NCK2: variants seen among roughly 807,000 people sequenced by gnomAD.
NCK2 encodes NCK adaptor protein 2, also known as cytoplasmic protein NCK2.
NCK2 carries 16 observed loss-of-function variants against 33.9 expected under a neutral mutation model. The observed-to-expected ratio is 0.47, with a 90% confidence interval of 0.32 to 0.72. The LOEUF (loss-of-function observed/expected upper bound fraction) is 0.72, where lower values mean the gene tolerates loss of function less well. Ranked by LOEUF, NCK2 falls within the 30% of genes least tolerant of loss-of-function variation. NCK2 has a pLI of 0.03. For synonymous variants in NCK2, 273 were observed against 239.9 expected, an observed-to-expected ratio of 1.14 and a Z score of -1.27; for missense variants, 418 against 537.3, an observed-to-expected ratio of 0.78 and a Z score of 2.19.
At chr2:105,883,714 A>T (rs535534424) in intron 4 of NCK2, among the ~76,000 whole-genome samples, 1 of 152,314 alleles carries the variant, frequency 6.6e-6, no homozygotes, top group Non-Finnish European at 1.5e-5. Context: ...TTCATCTCAG[A>T]ACTCTGCACC....
chr2:105,813,792 C>G (rs1407115765), intron 1 of NCK2, among the ~76,000 whole-genome samples: 1 of 152,220 alleles, frequency 6.6e-6, no homozygotes, highest in East Asian at 1.9e-4. Flanking sequence ...TTCAGATAAT[C>G]CCTTGGATTT....
intron 1 of NCK2, among the ~76,000 whole-genome samples, chr2:105,788,172 AGATAAGTTTT>A (rs1169177494): frequency 2.0e-5 from 3 of 152,204 alleles, no homozygotes. Context: ...GGCCAATTCT[AGATAAGTTTT>A]TTCATCAGCT....
intron 1 of NCK2, among the ~76,000 whole-genome samples, chr2:105,746,242 G>A (rs1446502310): frequency 6.6e-6 from 1 of 152,238 alleles, no homozygotes; most frequent in Non-Finnish European, 1.5e-5. Context: ...AGTGTGGGCA[G>A]GAGGGGGCCT....
At chr2:105,748,481 TTCAGGCAATCTTCCCACC>T (rs988316359) in intron 1 of NCK2, among the ~76,000 whole-genome samples, 18 of 152,062 alleles carry the variant, frequency 1.2e-4, no homozygotes, top group South Asian at 8.3e-4. Context: ...AGCTTCTGGG[TTCAGGCAATCTTCCCACC>T]TCAGGCAATC....
intron 3 of NCK2, among the ~76,000 whole-genome samples, chr2:105,873,977 C>T (rs889734459): frequency 4.6e-5 from 7 of 152,196 alleles, no homozygotes; most frequent in African/African-American, 1.4e-4. Context: ...TGGGCCTTCC[C>T]CCATGGCCAG....
intron 4 of NCK2, among the ~76,000 whole-genome samples, chr2:105,890,644 A>G (rs1678932344): frequency 6.6e-6 from 1 of 152,218 alleles, no homozygotes; most frequent in Non-Finnish European, 1.5e-5. Flanking sequence ...AGAGGCATGC[A>G]TAAATACAAA....
chr2:105,762,317 C>T (rs867468643), intron 1 of NCK2, among the ~76,000 whole-genome samples: 15 of 152,258 alleles, frequency 9.9e-5, no homozygotes, highest in Middle Eastern at 6.8e-3. Flanking sequence ...GGTCCAGGCC[C>T]GGGCGCTTCC....
chr2:105,824,388 C>T (rs1482677087), intron 2 of NCK2, among the ~76,000 whole-genome samples: 5 of 152,066 alleles, frequency 3.3e-5, no homozygotes, highest in Non-Finnish European at 1.5e-5. Context: ...ATGATCTTAC[C>T]CAGAGGTTAT....
At position 105,889,669 on chromosome 2, in the gene NCK2, GA is replaced by G. The variant is rs950844020; in HGVS notation, c.949-3312del. Among the ~76,000 whole-genome samples, 4 of 148,818 alleles carry G rather than the reference GA, an allele frequency of 2.7e-5. No homozygotes were observed. The Admixed American group carries it at 2.7e-4, about 10-fold the overall frequency. The stretch of plus-strand genomic sequence containing the variant: ...CCCTGTCATACCTCACTGTTGCCTT[GA>G]CCTCCCGGGCTCAAGTGATCCTCCC... On this transcript the variant is annotated intron_variant, in intron 4 of 4. Transcript: ENST00000233154.
chr2:105,779,624 G>A (rs1376212252), intron 1 of NCK2, among the ~76,000 whole-genome samples: 1 of 152,154 alleles, frequency 6.6e-6, no homozygotes, highest in Non-Finnish European at 1.5e-5. Context: ...GTGGGCAGAT[G>A]GAAAGGAGAG....
intron 3 of NCK2, among the ~76,000 whole-genome samples, chr2:105,862,456 G>A (rs1243621736): frequency 6.6e-6 from 1 of 152,202 alleles, no homozygotes; most frequent in Non-Finnish European, 1.5e-5. Context: ...GAACACAGCA[G>A]TCACAGGTAC....
intron 1 of NCK2, among the ~76,000 whole-genome samples, chr2:105,798,498 G>A (rs1341253548): frequency 6.6e-6 from 1 of 152,182 alleles, no homozygotes; most frequent in African/African-American, 2.4e-5. Context: ...TTGGGGTCTG[G>A]TTTAGAGAGA....
chr2:105,854,709 C>A (rs1047121900), intron 2 of NCK2: 3 of 213,944 alleles, frequency 1.4e-5, no homozygotes, highest in Admixed American at 5.2e-5. Context: ...GAGTGTCAAC[C>A]TAACAGTTAT....
In NCK2 at chr2:105,837,846, A is replaced by G. The variant is rs552835417; in HGVS notation, c.-16-17202A>G. ...TTATGAATGAACTTGAGTTATTTTT[A>G]TGTTTATTCACCATTTGTGCTACCT... On this transcript the variant is annotated intron_variant, in intron 2 of 4. Coordinates refer to ENST00000233154, the MANE Select transcript of NCK2 (RefSeq NM_003581.5). Among the ~76,000 whole-genome samples the G allele has an allele frequency of 1.3e-4, 20 of 152,228 alleles. 1 individual carries two copies. The South Asian group carries it at 3.1e-3, about 24-fold the overall frequency.
chr2:105,786,771 C>T (rs778932258), intron 1 of NCK2, among the ~76,000 whole-genome samples: 6 of 152,186 alleles, frequency 3.9e-5, no homozygotes, highest in Non-Finnish European at 7.4e-5. Flanking sequence ...CTCCCTTCTG[C>T]CTCCCCCACG....
At chr2:105,771,982 G>A (rs1690149305) in intron 1 of NCK2, among the ~76,000 whole-genome samples, 1 of 152,132 alleles carries the variant, frequency 6.6e-6, no homozygotes, top group Non-Finnish European at 1.5e-5. Flanking sequence ...TTCAAAATTG[G>A]ATATTGTCGT....
chr2:105,862,396 A>G (rs2104605214), intron 3 of NCK2, among the ~76,000 whole-genome samples: 1 of 152,354 alleles, frequency 6.6e-6, no homozygotes, highest in East Asian at 1.9e-4. Flanking sequence ...ATAGCACCCC[A>G]GGCCAGCCTC....
chr2:105,881,368 G>C lies in NCK2; in HGVS notation c.267G>C (p.Ala89=). 1 of 1,608,254 alleles carries C rather than the reference G, an allele frequency of 6.2e-7. No individual in the cohort carries two copies. Among genetic ancestry groups the C allele is most frequent in the Non-Finnish European group, 8.5e-7 (1 of 1,179,318 alleles). ...GCAGGAAGACCAGCGCGCGGGATGC[G>C]TCCCCCACGCCCAGCACGGACGCCG... ...KTRRKTSARD[A]SPTPSTDAEY... is the part of the protein sequence containing the mutation. The change falls in exon 4 of 5, where the codon GCG becomes GCC. Residue 89 remains alanine (A), a synonymous_variant. Coordinates refer to ENST00000233154, the MANE Select transcript of NCK2 (RefSeq NM_003581.5).
At chr2:105,776,775 C>G (rs867919445) in intron 1 of NCK2, among the ~76,000 whole-genome samples, 1 of 152,210 alleles carries the variant, frequency 6.6e-6, no homozygotes, top group African/African-American at 2.4e-5. Context: ...GCAGTCGGAC[C>G]ACACGTGACT....
Sources: gnomAD v4.1 joint callset for allele counts (sites outside exome capture counted in the v4.1 genomes callset) on GRCh38, gnomAD v4.1.1 for gene constraint, MANE v1.5 for transcripts, NCBI Gene and HGNC (gene_info 2026-07-23, HGNC 2026-07-21) for gene names.